The following AHNAK variants were observed in gnomAD, a reference collection of about 807,000 sequenced individuals.
AHNAK encodes the protein neuroblast differentiation-associated protein AHNAK.
A neutral mutation model predicts 37.8 loss-of-function variants in AHNAK; 23 were observed. The observed-to-expected ratio is 0.61, with a 90% CI of 0.44 to 0.86. The LOEUF (loss-of-function observed/expected upper bound fraction) is 0.86, where lower values mean the gene tolerates loss of function less well. Among genes scored for constraint, AHNAK ranks in the 40% least tolerant of loss-of-function variants. AHNAK has a pLI of 0.00. For synonymous variants in AHNAK, 2,481 were observed against 2,636.3 expected, an observed-to-expected ratio of 0.94 and a Z score of 1.80; for missense variants, 7,411 against 7,319.4, an observed-to-expected ratio of 1.01 and a Z score of -0.46.
Position 62,527,549 on chromosome 11 carries a change from C to T in AHNAK, c.6868G>A (p.Gly2290Ser), listed in dbSNP as rs747351810. Residue 2290 changes from glycine to serine, a missense_variant, in exon 5 of 5, where the codon GGT (glycine) becomes AGT (serine). Gly to Ser is a moderately conservative substitution (Grantham distance 56). Coordinates refer to ENST00000378024, the MANE Select transcript of AHNAK (RefSeq NM_001620.3). The stretch of plus-strand genomic sequence containing the variant: ...GGGCCCTTCAGCTTCCCTTCTGGAC[C>T]TTCAAGGCTCACATCTGGGACTTCA... ...DVEVPDVSLE[G>S]PEGKLKGPKF... 3.1e-6 allele frequency: 5 copies of T among 1,609,828 alleles called. No homozygotes were observed. Among genetic ancestry groups the T allele is most frequent in the East Asian group, 4.5e-5 (2 of 44,608 alleles).
intron 5 of AHNAK, among the ~76,000 whole-genome samples, chr11:62,454,412 C>CAA (rs5792260): frequency 1.6e-5 from 2 of 126,136 alleles, no homozygotes; most frequent in South Asian, 2.7e-4. Flanking sequence ...GACTCCATCT[C>CAA]AAAAAAAAAA....
chr11:62,435,117 G>A (rs1355854797), intron 5 of AHNAK, among the ~76,000 whole-genome samples: 3 of 151,914 alleles, frequency 2.0e-5, no homozygotes, highest in African/African-American at 7.3e-5. Flanking sequence ...CCCCCTAATT[G>A]AGAATGACCT....
exon 6 of AHNAK, chr11:62,433,769 C>T (rs1938098325): frequency 2.1e-6 from 3 of 1,433,272 alleles, no homozygotes; most frequent in Admixed American, 1.8e-5. Context: ...CCTTTAACTG[C>T]AGGTGTTTGT....
downstream of AHNAK, among the ~76,000 whole-genome samples, chr11:62,514,501 T>C (rs895220763): frequency 6.6e-6 from 1 of 152,222 alleles, no homozygotes; most frequent in Non-Finnish European, 1.5e-5. Flanking sequence ...CTGTAGAAGA[T>C]GGGCTCATGC....
At position 62,532,358 on chromosome 11, in the gene AHNAK, G is replaced by C. The variant is rs895028061; in HGVS notation, c.2059C>G (p.Leu687Val). ...GGTGTCTTGACACTCATATCAGGCA[G>C]CTTAACATCGGGGCCTTTAAGTTTT... ...GGKLKGPDVKLPDMSVKTPKI... is the reference protein window; with the variant it reads ...GGKLKGPDVKVPDMSVKTPKI... Residue 687 changes from leucine to valine, a missense_variant, in exon 5 of 5, where the codon CTG becomes GTG. Physicochemically the swap from Leu to Val is conservative, Grantham distance 32. Transcript: ENST00000378024. 7.4e-6 allele frequency: 12 copies of C among 1,614,054 alleles called. No individual in the cohort carries two copies. The African/African-American group carries it at 1.2e-4, about 16-fold the overall frequency.
At position 62,477,825 on chromosome 11, in the gene AHNAK, AG is replaced by A. The variant is rs1939183329; in HGVS notation, c.442+13906del. On this transcript the variant is annotated intron_variant, in intron 5 of 5. Transcript: ENST00000257247. ...TCAAAAAAAAAAAAAAGTTATAAAAAGCAGGGGGATCCCAGTCAAGCCCTGG... is the reference window on the plus strand; with the variant it reads ...TCAAAAAAAAAAAAAAGTTATAAAAACAGGGGGATCCCAGTCAAGCCCTGG... Among the ~76,000 whole-genome samples the A allele has an allele frequency of 2.6e-5, 4 of 151,944 alleles. No individual in the cohort carries two copies. The South Asian group carries it at 6.2e-4, about 24-fold the overall frequency.
chr11:62,451,167 G>A (rs992360705), intron 5 of AHNAK, among the ~76,000 whole-genome samples: 2 of 149,816 alleles, frequency 1.3e-5, no homozygotes, highest in African/African-American at 2.4e-5. Context: ...TGCAACTTCC[G>A]CCTCCTGGCT....
chr11:62,510,822 A>T (rs1361828541), intron 4 of AHNAK, among the ~76,000 whole-genome samples: 1 of 151,878 alleles, frequency 6.6e-6, no homozygotes, highest in African/African-American at 2.4e-5. Flanking sequence ...AACAAAGTAA[A>T]TGTTAGCAAT....
chr11:62,471,908 C>T (rs1463846537), intron 5 of AHNAK, among the ~76,000 whole-genome samples: 12 of 152,090 alleles, frequency 7.9e-5, no homozygotes, highest in African/African-American at 2.9e-4. Context: ...GTGAGATGGA[C>T]AGGGAGAGGG....
rs115027319 is a variant in AHNAK at position 62,440,183 on chromosome 11, C to T, written c.443-6292G>A. On this transcript the variant is annotated intron_variant, in intron 5 of 5. Coordinates refer to the AHNAK transcript ENST00000257247. ...CCTGAGGGAAAAGTGAGGGGGTGGC[C>T]GGGAGGTAGAATCGTGGCTTTCTCA... Among the ~76,000 whole-genome samples, 972 of 152,170 alleles carry T rather than the reference C, an allele frequency of 6.4e-3. 10 individuals are homozygous for T. The highest frequency in any genetic ancestry group is 0.02 in the African/African-American group (823 of 41,490).
Position 62,525,700 on chromosome 11 carries a change from C to T in AHNAK, c.8717G>A (p.Gly2906Asp), listed in dbSNP as rs757210605. The T allele has an allele frequency of 6.2e-7, 1 of 1,613,406 alleles. No individual in the cohort carries two copies. The highest frequency in any genetic ancestry group is 1.1e-5 in the South Asian group (1 of 91,056). Reference sequence around the variant, plus strand: ...CACTTCAGGGCCCTCTGCTTTGAAGCCAGGCATGCTGAACTTGGGCATTTT... The same window carrying T: ...CACTTCAGGGCCCTCTGCTTTGAAGTCAGGCATGCTGAACTTGGGCATTTT... ...KMKMPKFSMPGFKAEGPEVDV... is the reference protein window; with the variant it reads ...KMKMPKFSMPDFKAEGPEVDV... Residue 2906 changes from glycine (G) to aspartate (D), a missense_variant, in exon 5 of 5, where the codon GGC becomes GAC. Coordinates refer to ENST00000378024, the MANE Select transcript of AHNAK (RefSeq NM_001620.3).
chr11:62,521,879 G>C lies in AHNAK; in HGVS notation c.12538C>G (p.Gln4180Glu), dbSNP rs900557367. The C allele has an allele frequency of 6.2e-7, 1 of 1,612,300 alleles. No homozygotes were observed. The highest frequency in any genetic ancestry group is 1.7e-4 in the Middle Eastern group (1 of 6,052). The stretch of plus-strand genomic sequence containing the variant: ...ATTTTTAAGTGCCAGTCTGGGCCTT[G>C]AACGTCCACATCTGGGACATCAATG... ...VDIDVPDVDV[Q>E]GPDWHLKMPK... Residue 4180 changes from glutamine to glutamate, a missense_variant, in exon 5 of 5, where the codon CAA becomes GAA. Transcript: ENST00000378024.
At chr11:62,454,414 A>C (rs78305533) in intron 5 of AHNAK, among the ~76,000 whole-genome samples, 1 of 28,806 alleles carries the variant, frequency 3.5e-5, no homozygotes, top group African/African-American at 2.6e-4. Context: ...CTCCATCTCA[A>C]AAAAAAAAAA....
intron 4 of AHNAK, among the ~76,000 whole-genome samples, chr11:62,534,745 G>A (rs1481553725): frequency 2.6e-5 from 4 of 152,102 alleles, no homozygotes; most frequent in South Asian, 4.1e-4. Flanking sequence ...ATCTAGGGCC[G>A]GGCTGCACAA....
chr11:62,494,363 AGAAG>A (rs1939568901), intron 4 of AHNAK, among the ~76,000 whole-genome samples: 1 of 152,088 alleles, frequency 6.6e-6, no homozygotes, highest in South Asian at 2.1e-4. Flanking sequence ...AAATAACCAC[AGAAG>A]GAAGGAATTT....
intron 4 of AHNAK, among the ~76,000 whole-genome samples, chr11:62,495,467 T>C (rs1939588653): frequency 6.6e-6 from 1 of 152,086 alleles, no homozygotes; most frequent in Non-Finnish European, 1.5e-5. Flanking sequence ...GGACAGTGAC[T>C]CATGCCTATA....
In AHNAK at chr11:62,530,433, C is replaced by T. The variant is rs146840243; in HGVS notation, c.3984G>A (p.Val1328=). ...FKAPKISMPD[V]DLNLKGPKLK... Reference sequence around the variant, plus strand: ...ATTTTGGCCCCTTAAGATTCAGGTCCACATCAGGCATGGAGATCTTGGGGG... The same window carrying T: ...ATTTTGGCCCCTTAAGATTCAGGTCTACATCAGGCATGGAGATCTTGGGGG... The change falls in exon 5 of 5, where the codon GTG becomes GTA. Residue 1328 remains valine, a synonymous_variant. Transcript: ENST00000378024. The T allele has an allele frequency of 5.0e-6, 8 of 1,613,900 alleles. No homozygotes were observed. In the African/African-American group the frequency reaches 9.4e-5, roughly 19 times the overall value.
chr11:62,504,354 G>C (rs1939769549), intron 4 of AHNAK, among the ~76,000 whole-genome samples: 1 of 151,878 alleles, frequency 6.6e-6, no homozygotes, highest in Non-Finnish European at 1.5e-5. Context: ...TATCCCACCT[G>C]GGGCTCCTCC....
chr11:62,545,049 G>A (rs893963095), intron 1 of AHNAK, among the ~76,000 whole-genome samples: 2 of 152,222 alleles, frequency 1.3e-5, no homozygotes, highest in East Asian at 3.9e-4. Context: ...CACAGAGGTA[G>A]ATATCTCGGT....
Sources: allele counts gnomAD v4.1 joint callset (sites outside exome capture counted in the v4.1 genomes callset), GRCh38; gene constraint gnomAD v4.1.1; transcripts MANE v1.5; gene names NCBI Gene and HGNC (gene_info 2026-07-23, HGNC 2026-07-21).